UBE2R2: variants seen among roughly 807,000 people sequenced by gnomAD.
The protein encoded by UBE2R2 is ubiquitin-conjugating enzyme E2 R2.
UBE2R2 carries 1 observed loss-of-function variant against 27.8 expected under a neutral mutation model. The ratio of observed to expected loss-of-function variants is 0.04; its 90% CI spans 0.01 to 0.17. The LOEUF (loss-of-function observed/expected upper bound fraction) is 0.17. Among genes scored for constraint, UBE2R2 ranks in the 10% least tolerant of loss-of-function variants. The pLI, the probability that UBE2R2 is intolerant of heterozygous loss-of-function variation, is 1.00. For synonymous variants in UBE2R2, 106 were observed against 113.3 expected (o/e 0.94, Z 0.41); for missense variants, 100 against 291.0 (o/e 0.34, Z 4.78).
chr9:33,897,994 C>T (rs1373875517), intron 2 of UBE2R2, among the ~76,000 whole-genome samples: 4 of 151,636 alleles, frequency 2.6e-5, no homozygotes, highest in South Asian at 2.1e-4. Context: ...AGGCTGGTCT[C>T]GAACTCCTGA....
intron 1 of UBE2R2, among the ~76,000 whole-genome samples, chr9:33,877,823 G>GTCTCTCTCTCTCTCTC (rs1554675184): frequency 1.8e-3 from 237 of 131,092 alleles, no homozygotes; most frequent in Admixed American, 3.8e-3. Context: ...CTGTCTGTCT[G>GTCTCTCTCTCTCTCTC]TCTCTCTCTC....
rs544720796 is a variant in UBE2R2, at chr9:33,895,158, A to G, written c.265-5016A>G. Among the ~76,000 whole-genome samples, 47 of 152,328 alleles carry G rather than the reference A, an allele frequency of 3.1e-4. No homozygotes were observed. The East Asian group carries it at 8.1e-3, about 26-fold the overall frequency. ...TCTTGATAATGTCCTTTAGATGCAT[A>G]AAAGTTTTCCATTTTAATGAAGTGC... On this transcript the variant is annotated intron_variant, in intron 2 of 4. Transcript: ENST00000263228.
In UBE2R2 at chr9:33,918,290, T is replaced by C. The variant is rs1474910346; in HGVS notation, c.*1053T>C. ...TTACTCAGTATTAATCCTAGGTGCA[T>C]GTGTTAAGATTTCGGTTTTCATCGA... is the stretch of plus-strand genomic sequence containing the variant. On this transcript the variant is annotated 3_prime_UTR_variant, in exon 5 of 5. Transcript: ENST00000263228. 6.6e-6 allele frequency: 1 copy of C among 152,104 alleles called. No individual in the cohort carries two copies. The highest frequency in any genetic ancestry group is 1.5e-5 in the Non-Finnish European group (1 of 68,024). 9.4% of individuals were successfully genotyped at this position (152,104 alleles called of 1,614,324 possible).
rs1290721774 is a variant in UBE2R2 at position 33,817,410 on chromosome 9, C to T, written c.-348C>T. ...TTCACCATCGCCGGCCCTCCGCCGC[C>T]TTCCTCCGCTTCCACCTCCTCTCCC... On this transcript the variant is annotated 5_prime_UTR_variant, in exon 1 of 5. Transcript: ENST00000263228. Among the ~76,000 whole-genome samples, 1 of 150,142 alleles carries T rather than the reference C, an allele frequency of 6.7e-6. No individual in the cohort carries two copies. The highest frequency in any genetic ancestry group is 6.6e-5 in the Admixed American group (1 of 15,200).
chr9:33,891,421 G>A (rs1404785404), intron 2 of UBE2R2, among the ~76,000 whole-genome samples: 1 of 151,700 alleles, frequency 6.6e-6, no homozygotes, highest in African/African-American at 2.4e-5. Flanking sequence ...CGAGGTAGGC[G>A]GACCACTTGA....
chr9:33,879,750 CT>C (rs66929161), intron 1 of UBE2R2, among the ~76,000 whole-genome samples: 31,166 of 67,588 alleles, frequency 0.46, 5,894 homozygotes, highest in South Asian at 0.54. Context: ...GGTCACAAGA[CT>C]TTTTTTTTTT....
chr9:33,887,802 G>A (rs983202832), intron 2 of UBE2R2, among the ~76,000 whole-genome samples: 2 of 152,084 alleles, frequency 1.3e-5, no homozygotes, highest in Non-Finnish European at 2.9e-5. Flanking sequence ...TCAGCCTTCC[G>A]AGTAGCTGGG....
At chr9:33,860,643 T>A (rs1821208827) in intron 1 of UBE2R2, among the ~76,000 whole-genome samples, 1 of 152,156 alleles carries the variant, frequency 6.6e-6, no homozygotes, top group Non-Finnish European at 1.5e-5. Flanking sequence ...TTCACACCTG[T>A]AATCCCACCA....
intron 2 of UBE2R2, among the ~76,000 whole-genome samples, chr9:33,887,634 A>G (rs567083705): frequency 3.8e-4 from 57 of 150,734 alleles, no homozygotes; most frequent in African/African-American, 1.1e-3. Context: ...TCACTATTCT[A>G]TAAGTGTGCT....
In UBE2R2 at chr9:33,858,764, A is replaced by G. The variant is rs1221681909; in HGVS notation, c.178-28117A>G. Among the ~76,000 whole-genome samples the G allele has an allele frequency of 3.9e-5, 6 of 152,270 alleles. No individual in the cohort carries two copies. In the South Asian group the frequency reaches 1.2e-3, roughly 32 times the overall value. On this transcript the variant is annotated intron_variant, in intron 1 of 4. Transcript: ENST00000263228. ...AATCATTGCATTCTACTCTAGGACT[A>G]TGCCAGGTAATAGTGTATTCTCTTT...
intron 1 of UBE2R2, among the ~76,000 whole-genome samples, chr9:33,885,103 G>C (rs1297462891): frequency 6.6e-6 from 1 of 152,200 alleles, no homozygotes; most frequent in Non-Finnish European, 1.5e-5. Context: ...GTCATTGCAT[G>C]TCTTCAACTT....
chr9:33,825,244 CTTTT>C (rs71506138), intron 1 of UBE2R2, among the ~76,000 whole-genome samples: 2 of 119,640 alleles, frequency 1.7e-5, no homozygotes, highest in Admixed American at 9.2e-5. Flanking sequence ...AAAAGCAAAG[CTTTT>C]TTTTTTTTTT....
chr9:33,897,262 T>A (rs1392329067), intron 2 of UBE2R2, among the ~76,000 whole-genome samples: 2 of 150,548 alleles, frequency 1.3e-5, no homozygotes, highest in Admixed American at 6.7e-5. Context: ...GGTCTCAATC[T>A]CCTGACCTCG....
At chr9:33,894,506 T>C (rs551239727) in intron 2 of UBE2R2, among the ~76,000 whole-genome samples, 1 of 152,220 alleles carries the variant, frequency 6.6e-6, no homozygotes, top group South Asian at 2.1e-4. Context: ...CAGTCATGGC[T>C]CACTGCAGCC....
At chr9:33,883,160 A>T (rs1213800340) in intron 1 of UBE2R2, among the ~76,000 whole-genome samples, 1 of 152,190 alleles carries the variant, frequency 6.6e-6, no homozygotes, top group Admixed American at 6.5e-5. Flanking sequence ...TTTTGGTGTC[A>T]CGTGTACAAA....
At chr9:33,818,991 GTTTGT>G (rs906796576) in intron 1 of UBE2R2, among the ~76,000 whole-genome samples, 4 of 152,054 alleles carry the variant, frequency 2.6e-5, no homozygotes, top group African/African-American at 9.7e-5. Flanking sequence ...GATAATGAGT[GTTTGT>G]TTTGTTTTGT....
chr9:33,849,589 C>T (rs1025720257), intron 1 of UBE2R2, among the ~76,000 whole-genome samples: 24 of 151,132 alleles, frequency 1.6e-4, no homozygotes, highest in Admixed American at 6.0e-4. Context: ...TATGGATGGA[C>T]GCCTGTAATC....
intron 1 of UBE2R2, among the ~76,000 whole-genome samples, chr9:33,850,307 A>G (rs1275955184): frequency 6.6e-6 from 1 of 152,188 alleles, no homozygotes; most frequent in Non-Finnish European, 1.5e-5. Flanking sequence ...AATTTCTCTT[A>G]GGAGTTAGGG....
intron 1 of UBE2R2, among the ~76,000 whole-genome samples, chr9:33,841,487 A>G (rs1294053158): frequency 6.6e-6 from 1 of 152,102 alleles, no homozygotes; most frequent in African/African-American, 2.4e-5. Flanking sequence ...CAGGTGTTGC[A>G]GGCTTATCTT....
Sources: allele counts gnomAD v4.1 joint callset (sites outside exome capture counted in the v4.1 genomes callset), GRCh38; gene constraint gnomAD v4.1.1; transcripts MANE v1.5; gene names NCBI Gene and HGNC (gene_info 2026-07-23, HGNC 2026-07-21).